PCSK5: variants seen among roughly 807,000 people sequenced by gnomAD.
PCSK5 encodes the protein proprotein convertase subtilisin/kexin type 5, also known as prohormone convertase 5.
A neutral mutation model predicts 233.2 loss-of-function variants in PCSK5; 129 were observed. The observed-to-expected ratio is 0.55, with a 90% CI of 0.48 to 0.64. PCSK5 has a LOEUF of 0.64. PCSK5 is among the 30% of genes least tolerant of loss of function. The pLI, the probability that PCSK5 is intolerant of heterozygous loss-of-function variation, is 0.00. For synonymous variants in PCSK5, 825 were observed against 879.2 expected, an observed-to-expected ratio of 0.94 and a Z score of 1.09; for missense variants, 2,076 against 2,430.1, an observed-to-expected ratio of 0.85 and a Z score of 3.06.
intron 2 of PCSK5, among the ~76,000 whole-genome samples, chr9:75,939,922 G>A (rs1013883369): frequency 2.0e-5 from 3 of 152,234 alleles, no homozygotes; most frequent in Admixed American, 1.3e-4. Flanking sequence ...CGCTCCCTAC[G>A]TTCACCTCAG....
intron 21 of PCSK5, among the ~76,000 whole-genome samples, chr9:76,233,082 C>A (rs967826983): frequency 6.6e-6 from 1 of 152,196 alleles, no homozygotes. Flanking sequence ...AGAATATTTT[C>A]TCCAAGGCCT....
At chr9:75,892,636 T>G (rs1008024857) in intron 1 of PCSK5, among the ~76,000 whole-genome samples, 1 of 152,268 alleles carries the variant, frequency 6.6e-6, no homozygotes, top group East Asian at 1.9e-4. Context: ...TCTGAGGCCA[T>G]TGCGTTCCAC....
At chr9:76,345,021 TGTTACAAAGGTATA>T (rs1324328135) in intron 35 of PCSK5, among the ~76,000 whole-genome samples, 18 of 152,118 alleles carry the variant, frequency 1.2e-4, no homozygotes, top group Non-Finnish European at 2.5e-4. Context: ...TGTGCAGGTT[TGTTACAAAGGTATA>T]GTGCATGATG....
intron 9 of PCSK5, among the ~76,000 whole-genome samples, chr9:76,131,311 C>G (rs1009993293): frequency 1.3e-5 from 2 of 152,106 alleles, no homozygotes; most frequent in African/African-American, 4.8e-5. Context: ...TGGCTATTTC[C>G]TGAGCTAATT....
intron 2 of PCSK5, among the ~76,000 whole-genome samples, chr9:75,953,752 G>GTTTTAAGCACCTATCAAATTCCCA (rs1226688227): frequency 1.3e-5 from 2 of 151,868 alleles, no homozygotes; most frequent in African/African-American, 4.8e-5. Flanking sequence ...CCACAGAAGT[G>GTTTTAAGCACCTATCAAATTCCCA]TTTTAAGCAC....
At chr9:75,988,025 G>C (rs1826599367) in intron 3 of PCSK5, among the ~76,000 whole-genome samples, 1 of 152,182 alleles carries the variant, frequency 6.6e-6, no homozygotes, top group Non-Finnish European at 1.5e-5. Context: ...CATGACCAGG[G>C]CTTTAGCCCT....
intron 5 of PCSK5, among the ~76,000 whole-genome samples, chr9:76,040,642 A>G (rs942897096): frequency 1.3e-5 from 2 of 152,180 alleles, no homozygotes; most frequent in African/African-American, 4.8e-5. Flanking sequence ...CACATAGCTT[A>G]TGAAAGTGAG....
At chr9:76,147,075 G>A (rs1823471376) in intron 10 of PCSK5, among the ~76,000 whole-genome samples, 1 of 152,112 alleles carries the variant, frequency 6.6e-6, no homozygotes, top group African/African-American at 2.4e-5. Flanking sequence ...TGCATTTTCT[G>A]TTTTCACCTT....
chr9:75,960,253 T>G (rs967015607), intron 2 of PCSK5, among the ~76,000 whole-genome samples: 2 of 152,160 alleles, frequency 1.3e-5, no homozygotes, highest in Non-Finnish European at 2.9e-5. Context: ...GAAGACTCAG[T>G]CAGAGCAATT....
At chr9:75,985,433 T>C (rs1453968550) in intron 2 of PCSK5, among the ~76,000 whole-genome samples, 3 of 152,126 alleles carry the variant, frequency 2.0e-5, no homozygotes, top group Non-Finnish European at 4.4e-5. Context: ...GTGCCAGAGA[T>C]AGGGCTAGGG....
intron 5 of PCSK5, among the ~76,000 whole-genome samples, chr9:76,032,250 G>A (rs535480802): frequency 2.0e-5 from 3 of 152,252 alleles, no homozygotes; most frequent in African/African-American, 4.8e-5. Context: ...ACTTGCCTGC[G>A]TTTGTTTATT....
intron 5 of PCSK5, among the ~76,000 whole-genome samples, chr9:76,059,585 G>C (rs79496001): frequency 3.3e-5 from 5 of 152,086 alleles, no homozygotes; most frequent in Non-Finnish European, 5.9e-5. Context: ...TGGCTGGCCA[G>C]TTTTCCCAGC....
chr9:75,938,834 G>C (rs1197547218), intron 2 of PCSK5, among the ~76,000 whole-genome samples: 1 of 152,164 alleles, frequency 6.6e-6, no homozygotes, highest in Admixed American at 6.5e-5. Flanking sequence ...GATGTGGATA[G>C]GGTGGGTGAT....
intron 20 of PCSK5, chr9:76,194,906 A>G (rs7019429): frequency 0.57 from 143,799 of 250,504 alleles, 42,189 homozygotes; most frequent in East Asian, 0.73. Context: ...GAGGAATACT[A>G]TCAACATGGA....
chr9:76,014,962 A>G (rs1478900420), intron 3 of PCSK5, among the ~76,000 whole-genome samples: 2 of 152,152 alleles, frequency 1.3e-5, no homozygotes, highest in Admixed American at 6.5e-5. Context: ...AAGAGAGAGA[A>G]AGAGAGGGAG....
chr9:76,226,424 G>A (rs1289402156), intron 20 of PCSK5, among the ~76,000 whole-genome samples: 1 of 152,134 alleles, frequency 6.6e-6, no homozygotes, highest in Non-Finnish European at 1.5e-5. Context: ...GGTTTCCAGG[G>A]TTCTTTTCAA....
At chr9:75,919,749 C>T (rs1214811412) in intron 1 of PCSK5, among the ~76,000 whole-genome samples, 1 of 152,224 alleles carries the variant, frequency 6.6e-6, no homozygotes, top group Non-Finnish European at 1.5e-5. Context: ...AGAAGCCTCA[C>T]CCTCTGCCAT....
At chr9:76,035,078 T>A (rs1828805107) in intron 5 of PCSK5, among the ~76,000 whole-genome samples, 2 of 152,210 alleles carry the variant, frequency 1.3e-5, no homozygotes, top group South Asian at 4.1e-4. Context: ...GTCAGTTGAC[T>A]AAATTCAAGT....
chr9:76,217,439 G>T (rs1825577411), intron 20 of PCSK5, among the ~76,000 whole-genome samples: 2 of 152,190 alleles, frequency 1.3e-5, no homozygotes, highest in Admixed American at 1.3e-4. Context: ...ATGTTTCAAA[G>T]CACATTTCAT....
Sources: allele counts gnomAD v4.1 joint callset (sites outside exome capture counted in the v4.1 genomes callset), GRCh38; gene constraint gnomAD v4.1.1; transcripts MANE v1.5; gene names NCBI Gene and HGNC (gene_info 2026-07-23, HGNC 2026-07-21).